Variants in PTPRG observed in about 807,000 individuals in gnomAD.
PTPRG encodes receptor-type tyrosine-protein phosphatase gamma.
In PTPRG, 102 loss-of-function variants were observed where a neutral mutation model predicts 165.3. The ratio of observed to expected loss-of-function variants is 0.62; its 90% CI spans 0.53 to 0.73. The LOEUF is 0.73. PTPRG is among the 30% of genes least tolerant of loss of function. The pLI is 0.00. For synonymous variants in PTPRG, 675 were observed against 669.5 expected (o/e 1.01, Z -0.13); for missense variants, 1,866 against 1,861.4 (o/e 1.00, Z -0.05).
intron 5 of PTPRG, among the ~76,000 whole-genome samples, chr3:62,116,893 C>A (rs1473884208): frequency 2.6e-5 from 4 of 152,132 alleles, no homozygotes; most frequent in Non-Finnish European, 5.9e-5. Flanking sequence ...TATAAGTCAC[C>A]CAGCTTACAA....
intron 2 of PTPRG, among the ~76,000 whole-genome samples, chr3:61,971,099 C>T (rs2040371355): frequency 6.6e-6 from 1 of 152,206 alleles, no homozygotes; most frequent in South Asian, 2.1e-4. Context: ...GTCACCCAGG[C>T]TGGAGTGCAG....
intron 2 of PTPRG, among the ~76,000 whole-genome samples, chr3:61,974,761 C>A (rs933350814): frequency 6.6e-6 from 1 of 152,088 alleles, no homozygotes. Context: ...GTTTTCTTTG[C>A]AGATTATGAA....
rs532250024 is a variant in PTPRG at position 61,799,866 on chromosome 3, G to T, written c.190+50884G>T. ...AACATTTTTCCCCAGAACAGTAAGTGTATTTATTTTATTGTTCAAGGGGTT... is the reference window on the plus strand; with the variant it reads ...AACATTTTTCCCCAGAACAGTAAGTTTATTTATTTTATTGTTCAAGGGGTT... On this transcript the variant is annotated intron_variant, in intron 2 of 29. Coordinates refer to ENST00000474889, the MANE Select transcript of PTPRG (RefSeq NM_002841.4). Among the ~76,000 whole-genome samples the T allele has an allele frequency of 2.8e-4, 43 of 152,266 alleles. No individual in the cohort carries two copies. In the South Asian group the frequency reaches 8.9e-3, roughly 32 times the overall value.
At chr3:61,746,288 G>A (rs1025304218) in intron 1 of PTPRG, among the ~76,000 whole-genome samples, 1 of 140,846 alleles carries the variant, frequency 7.1e-6, no homozygotes, top group African/African-American at 2.7e-5. Context: ...GCGCCATCTC[G>A]GCTCACTGCA....
At chr3:61,899,914 T>G (rs986506116) in intron 2 of PTPRG, among the ~76,000 whole-genome samples, 1 of 152,230 alleles carries the variant, frequency 6.6e-6, no homozygotes, top group Non-Finnish European at 1.5e-5. Context: ...AACTCAGCCT[T>G]CTGAAAGAGG....
chr3:61,779,819 A>G (rs1261621654), intron 2 of PTPRG, among the ~76,000 whole-genome samples: 1 of 151,382 alleles, frequency 6.6e-6, no homozygotes, highest in African/African-American at 2.4e-5. Flanking sequence ...GGCACTTGCA[A>G]CTCTTTCCCC....
chr3:61,955,029 A>T (rs373259236), intron 2 of PTPRG, among the ~76,000 whole-genome samples: 36 of 152,362 alleles, frequency 2.4e-4, no homozygotes, highest in Non-Finnish European at 4.4e-4. Flanking sequence ...TTTAATGGCC[A>T]TACATAATGG....
intron 26 of PTPRG, among the ~76,000 whole-genome samples, chr3:62,278,999 A>G (rs1038628415): frequency 2.0e-5 from 3 of 152,070 alleles, no homozygotes; most frequent in African/African-American, 7.2e-5. Context: ...TTCTGCAGAC[A>G]CTGAGGATAT....
At chr3:62,291,225 T>C (rs1702885093) in intron 28 of PTPRG, among the ~76,000 whole-genome samples, 1 of 152,138 alleles carries the variant, frequency 6.6e-6, no homozygotes, top group African/African-American at 2.4e-5. Context: ...TTTAAAATGA[T>C]GAGGAGAAGC....
chr3:61,779,028 A>G (rs994158563), intron 2 of PTPRG, among the ~76,000 whole-genome samples: 4 of 152,176 alleles, frequency 2.6e-5, no homozygotes, highest in Admixed American at 6.5e-5. Context: ...CCTAAGGATG[A>G]TGAAAAATAA....
intron 6 of PTPRG, among the ~76,000 whole-genome samples, chr3:62,149,824 C>T (rs762152812): frequency 1.3e-5 from 2 of 152,210 alleles, no homozygotes; most frequent in South Asian, 2.1e-4. Flanking sequence ...TAATTCTGAG[C>T]GGGATTATCA....
chr3:62,207,502 T>G (rs1457025143), intron 12 of PTPRG, among the ~76,000 whole-genome samples: 1 of 152,268 alleles, frequency 6.6e-6, no homozygotes, highest in East Asian at 1.9e-4. Flanking sequence ...ATCGCCATCA[T>G]TTTAATGTTA....
chr3:61,833,095 G>GTGTGTA (rs909034372), intron 2 of PTPRG, among the ~76,000 whole-genome samples: 1 of 151,674 alleles, frequency 6.6e-6, no homozygotes, highest in Non-Finnish European at 1.5e-5. Flanking sequence ...GTGTGTGTGT[G>GTGTGTA]TACACAGTTT....
At chr3:61,888,468 G>C (rs1295568655) in intron 2 of PTPRG, among the ~76,000 whole-genome samples, 1 of 152,000 alleles carries the variant, frequency 6.6e-6, no homozygotes, top group East Asian at 1.9e-4. Flanking sequence ...CGAGTAGCTG[G>C]GACTGGCCCC....
At chr3:61,742,897 T>TG in intron 1 of PTPRG, 1 of 1,490,296 alleles carries the variant, frequency 6.7e-7, no homozygotes, top group Non-Finnish European at 9.4e-7. Flanking sequence ...ACAGTGCTGC[T>TG]GGTCCCCCAG....
At chr3:61,581,474 G>C (rs1700292356) in intron 1 of PTPRG, among the ~76,000 whole-genome samples, 1 of 152,190 alleles carries the variant, frequency 6.6e-6, no homozygotes, top group Non-Finnish European at 1.5e-5. Flanking sequence ...AGTGCAGGCT[G>C]TGCGTAGCTC....
intron 1 of PTPRG, among the ~76,000 whole-genome samples, chr3:61,628,194 T>A (rs1417564147): frequency 6.6e-6 from 1 of 152,218 alleles, no homozygotes; most frequent in African/African-American, 2.4e-5. Flanking sequence ...CAAATAAGAA[T>A]TAGATATATG....
At chr3:61,924,560 G>A (rs1180687481) in intron 2 of PTPRG, among the ~76,000 whole-genome samples, 1 of 152,230 alleles carries the variant, frequency 6.6e-6, no homozygotes, top group African/African-American at 2.4e-5. Context: ...CTGTCACTGT[G>A]CTGAGTACTT....
chr3:62,227,369 A>C (rs1442196527), intron 13 of PTPRG, among the ~76,000 whole-genome samples: 2 of 152,232 alleles, frequency 1.3e-5, no homozygotes, highest in African/African-American at 4.8e-5. Flanking sequence ...GACTTCTCAC[A>C]TACAGGTAAC....
Sources: gnomAD v4.1 joint callset for allele counts (sites outside exome capture counted in the v4.1 genomes callset) on GRCh38, gnomAD v4.1.1 for gene constraint, MANE v1.5 for transcripts, NCBI Gene and HGNC (gene_info 2026-07-23, HGNC 2026-07-21) for gene names.